The following CDH13 variants were observed in gnomAD, a reference collection of about 807,000 sequenced individuals.
CDH13 encodes cadherin-13.
A neutral mutation model predicts 63.8 loss-of-function variants in CDH13; 24 were observed. That is an observed-to-expected ratio of 0.38 (90% CI 0.27 to 0.53). The LOEUF (loss-of-function observed/expected upper bound fraction) is 0.53, where lower values mean the gene tolerates loss of function less well. CDH13 is among the 20% of genes least tolerant of loss of function. The pLI is 0.85. For missense variants in CDH13, 1,049 were observed against 903.1 expected, an observed-to-expected ratio of 1.16 and a Z score of -2.07; for synonymous variants, 503 against 355.3, an observed-to-expected ratio of 1.42 and a Z score of -4.67.
intron 1 of CDH13, among the ~76,000 whole-genome samples, chr16:82,790,640 A>G (rs1050131782): frequency 2.6e-5 from 4 of 152,190 alleles, no homozygotes; most frequent in African/African-American, 9.7e-5. Context: ...GGTAATTTAT[A>G]AAGGAAAGAG....
At chr16:83,730,229 A>G (rs544519948) in intron 10 of CDH13, among the ~76,000 whole-genome samples, 2 of 152,322 alleles carry the variant, frequency 1.3e-5, no homozygotes, top group South Asian at 2.1e-4. Context: ...AGTCTGAGCT[A>G]TGCATTATTC....
intron 3 of CDH13, among the ~76,000 whole-genome samples, chr16:83,074,511 C>T (rs950896745): frequency 6.6e-6 from 1 of 152,078 alleles, no homozygotes; most frequent in African/African-American, 2.4e-5. Context: ...GTATAAATAC[C>T]AAGTAGTGGG....
intron 6 of CDH13, among the ~76,000 whole-genome samples, chr16:83,388,422 C>G (rs1413860061): frequency 6.6e-6 from 1 of 152,074 alleles, no homozygotes. Context: ...CACTGCACTC[C>G]AGCTTGGCCA....
chr16:82,936,456 C>G (rs908900636), intron 2 of CDH13, among the ~76,000 whole-genome samples: 21 of 151,968 alleles, frequency 1.4e-4, no homozygotes, highest in African/African-American at 5.1e-4. Flanking sequence ...CAACCCGAAT[C>G]CACCCCACCC....
chr16:82,849,416 C>T (rs938808935), intron 1 of CDH13, among the ~76,000 whole-genome samples: 2 of 152,058 alleles, frequency 1.3e-5, no homozygotes, highest in Non-Finnish European at 2.9e-5. Flanking sequence ...GCAGGAGAAT[C>T]GGTTGAACCA....
chr16:83,372,744 C>G (rs1024838016), intron 6 of CDH13, among the ~76,000 whole-genome samples: 4 of 110,650 alleles, frequency 3.6e-5, no homozygotes, highest in Non-Finnish European at 7.1e-5. Flanking sequence ...GAGCGAGACT[C>G]GGTCTAAAAA....
intron 2 of CDH13, among the ~76,000 whole-genome samples, chr16:82,948,484 C>A (rs868569032): frequency 5.3e-5 from 8 of 152,230 alleles, no homozygotes; most frequent in South Asian, 2.1e-4. Flanking sequence ...GTGTTTCTTC[C>A]TTGAAGAAGA....
intron 10 of CDH13, chr16:83,710,552 A>C (rs1401929984): frequency 3.1e-4 from 4 of 12,970 alleles, no homozygotes; most frequent in African/African-American, 1.6e-3. Context: ...GCAACCTGGA[A>C]AAAAAAAAAA....
chr16:83,202,836 A>G (rs1023202987), intron 4 of CDH13, among the ~76,000 whole-genome samples: 28 of 152,198 alleles, frequency 1.8e-4, no homozygotes, highest in Admixed American at 6.5e-5. Context: ...TGGTACAGGG[A>G]GATAAACATT....
At chr16:83,318,722 C>T (rs1327368622) in intron 5 of CDH13, among the ~76,000 whole-genome samples, 1 of 152,140 alleles carries the variant, frequency 6.6e-6, no homozygotes, top group Admixed American at 6.5e-5. Context: ...GTATGTATTT[C>T]TGAGTCTCAG....
At chr16:82,864,475 G>C (rs758895803) in intron 2 of CDH13, among the ~76,000 whole-genome samples, 1 of 152,116 alleles carries the variant, frequency 6.6e-6, no homozygotes, top group Non-Finnish European at 1.5e-5. Flanking sequence ...AGGAAGCAAG[G>C]CACCTTCTTC....
intron 3 of CDH13, 143 bp from the exon 4 acceptor site, chr16:83,125,242 T>G: frequency 1.7e-6 from 1 of 592,742 alleles, no homozygotes; most frequent in East Asian, 2.8e-5. Flanking sequence ...ATGTACTTGG[T>G]AATGCTAATA....
intron 3 of CDH13, among the ~76,000 whole-genome samples, chr16:83,112,697 A>G (rs2035115861): frequency 6.6e-6 from 1 of 152,196 alleles, no homozygotes; most frequent in Non-Finnish European, 1.5e-5. Flanking sequence ...TAAATTACTT[A>G]GTCAAAAAGC....
chr16:83,145,812 C>T (rs988129290), intron 4 of CDH13, among the ~76,000 whole-genome samples: 1 of 152,284 alleles, frequency 6.6e-6, no homozygotes, highest in East Asian at 1.9e-4. Flanking sequence ...CTTTCACCTT[C>T]TACTGCAGAA....
intron 7 of CDH13, among the ~76,000 whole-genome samples, chr16:83,532,901 C>A (rs1309959810): frequency 6.6e-6 from 1 of 152,222 alleles, no homozygotes; most frequent in South Asian, 2.1e-4. Flanking sequence ...GAGCCAGCGG[C>A]CTCCCCTGCA....
chr16:82,853,895 C>A (rs905742397), intron 1 of CDH13, among the ~76,000 whole-genome samples: 1 of 152,072 alleles, frequency 6.6e-6, no homozygotes, highest in African/African-American at 2.4e-5. Context: ...AAACTATGTC[C>A]AGGTAGTATT....
At chr16:83,147,778 G>C (rs1421675490) in intron 4 of CDH13, among the ~76,000 whole-genome samples, 1 of 151,952 alleles carries the variant, frequency 6.6e-6, no homozygotes, top group Non-Finnish European at 1.5e-5. Context: ...TCTTCCCACT[G>C]GTCTCTGGGG....
At chr16:83,656,601 A>T (rs1170299145) in intron 8 of CDH13, among the ~76,000 whole-genome samples, 1 of 152,202 alleles carries the variant, frequency 6.6e-6, no homozygotes, top group Non-Finnish European at 1.5e-5. Context: ...AAAGTCAACC[A>T]GATCCAGGCA....
intron 1 of CDH13, among the ~76,000 whole-genome samples, chr16:82,786,465 C>T (rs1165251144): frequency 7.6e-6 from 1 of 131,834 alleles, no homozygotes; most frequent in Non-Finnish European, 1.6e-5. Context: ...TCCATAGTCT[C>T]ATCTATGCCT....
Sources: gnomAD v4.1 joint callset for allele counts (sites outside exome capture counted in the v4.1 genomes callset) on GRCh38, gnomAD v4.1.1 for gene constraint, MANE v1.5 for transcripts, NCBI Gene and HGNC (gene_info 2026-07-23, HGNC 2026-07-21) for gene names.